The following PCDH9 variants were observed in gnomAD, a reference collection of about 807,000 sequenced individuals.
The protein encoded by PCDH9 is protocadherin-9.
In PCDH9, 24 loss-of-function variants were observed where a neutral mutation model predicts 70.6. The observed-to-expected ratio is 0.34, with a 90% CI of 0.25 to 0.48. PCDH9 has a LOEUF of 0.48. Ranked by LOEUF, PCDH9 falls within the 20% of genes least tolerant of loss-of-function variation. The probability of loss-of-function intolerance (pLI) is 0.99; values close to 1 mark genes in which losing one functional copy is unlikely to be tolerated. For synonymous variants in PCDH9, 562 were observed against 558.5 expected (o/e 1.01, Z -0.09); for missense variants, 1,281 against 1,503.6 (o/e 0.85, Z 2.45).
intron 4 of PCDH9, among the ~76,000 whole-genome samples, chr13:66,489,783 T>C (rs1326660179): frequency 1.3e-5 from 2 of 152,156 alleles, no homozygotes; most frequent in Non-Finnish European, 2.9e-5. Context: ...ATGACACACA[T>C]ACATTCTTAG....
In PCDH9 at chr13:66,992,304, G is replaced by A. The variant is rs369222432; in HGVS notation, c.3037-88699C>T. Among the ~76,000 whole-genome samples the A allele has an allele frequency of 3.9e-5, 6 of 152,210 alleles. No homozygotes were observed. The South Asian group carries it at 1.2e-3, about 32-fold the overall frequency. ...ATGCTAGTGGTGAGAGTGCAGTGGA[G>A]GAAAGGTACTGCCACTCTGTCAAGA... On this transcript the variant is annotated intron_variant, in intron 2 of 4. Transcript: ENST00000377865.
At chr13:66,886,655 A>G (rs2082009304) in intron 3 of PCDH9, among the ~76,000 whole-genome samples, 2 of 152,178 alleles carry the variant, frequency 1.3e-5, no homozygotes, top group South Asian at 4.1e-4. Context: ...TTGGAACAAT[A>G]ATATTCATCT....
At chr13:67,052,305 G>A (rs912312704) in intron 2 of PCDH9, among the ~76,000 whole-genome samples, 3 of 152,006 alleles carry the variant, frequency 2.0e-5, no homozygotes, top group Non-Finnish European at 4.4e-5. Flanking sequence ...CTTTAATAAG[G>A]GGTTAGGGAA....
chr13:66,983,086 A>C (rs1200386621), intron 2 of PCDH9, among the ~76,000 whole-genome samples: 1 of 152,148 alleles, frequency 6.6e-6, no homozygotes, highest in Non-Finnish European at 1.5e-5. Flanking sequence ...CATAGTTAGG[A>C]ATCAAATAGA....
chr13:66,338,528 TTTAA>T (rs1956074238), intron 4 of PCDH9, among the ~76,000 whole-genome samples: 1 of 152,098 alleles, frequency 6.6e-6, no homozygotes, highest in Non-Finnish European at 1.5e-5. Context: ...ACTTTATAAA[TTTAA>T]TTAACAGTAT....
At chr13:66,349,587 G>T (rs1038189815) in intron 4 of PCDH9, among the ~76,000 whole-genome samples, 1 of 152,172 alleles carries the variant, frequency 6.6e-6, no homozygotes, top group African/African-American at 2.4e-5. Context: ...GGGCTACCAA[G>T]TGCCAATATC....
chr13:66,367,982 G>T (rs1407962588), intron 4 of PCDH9, among the ~76,000 whole-genome samples: 1 of 152,004 alleles, frequency 6.6e-6, no homozygotes, highest in Non-Finnish European at 1.5e-5. Flanking sequence ...TCTTTAAAGT[G>T]CAATCAAAAG....
At chr13:66,607,228 C>T (rs1048745686) in intron 4 of PCDH9, among the ~76,000 whole-genome samples, 2 of 151,980 alleles carry the variant, frequency 1.3e-5, no homozygotes, top group Admixed American at 1.3e-4. Context: ...GACCTTGAAA[C>T]AATTATTCTC....
At chr13:66,674,334 T>C (rs1473367291) in intron 3 of PCDH9, among the ~76,000 whole-genome samples, 2 of 152,130 alleles carry the variant, frequency 1.3e-5, no homozygotes, top group African/African-American at 4.8e-5. Flanking sequence ...CATTCTGTTT[T>C]GACTCTTCAT....
intron 4 of PCDH9, among the ~76,000 whole-genome samples, chr13:66,566,746 T>TGTAAAA (rs375943722): frequency 0.34 from 51,982 of 151,942 alleles, 9,298 homozygotes; most frequent in African/African-American, 0.44. Flanking sequence ...GGGCCCGTCT[T>TGTAAAA]GATGGTCAAT....
chr13:66,387,109 C>G (rs781088231), intron 4 of PCDH9, among the ~76,000 whole-genome samples: 3 of 152,148 alleles, frequency 2.0e-5, no homozygotes, highest in Non-Finnish European at 4.4e-5. Flanking sequence ...GAACATATTT[C>G]TTTAAAAGCA....
At chr13:66,690,228 A>G (rs2078463049) in intron 3 of PCDH9, among the ~76,000 whole-genome samples, 1 of 151,988 alleles carries the variant, frequency 6.6e-6, no homozygotes, top group African/African-American at 2.4e-5. Flanking sequence ...TTTTTTTTGC[A>G]TTTAAATAGT....
chr13:66,869,903 G>A (rs1213547416), intron 3 of PCDH9, among the ~76,000 whole-genome samples: 1 of 152,134 alleles, frequency 6.6e-6, no homozygotes, highest in Non-Finnish European at 1.5e-5. Context: ...AGGTAAGAAT[G>A]AGTCCACAGA....
At chr13:67,057,478 T>C (rs906271800) in intron 2 of PCDH9, among the ~76,000 whole-genome samples, 2 of 152,018 alleles carry the variant, frequency 1.3e-5, no homozygotes. Context: ...TGGCAACTTT[T>C]TTCCTGGGGA....
intron 2 of PCDH9, among the ~76,000 whole-genome samples, chr13:66,970,895 T>C (rs1003173885): frequency 1.2e-4 from 18 of 152,020 alleles, no homozygotes; most frequent in African/African-American, 2.7e-4. Context: ...CGAATTCTTA[T>C]GTCTAGCCTA....
intron 4 of PCDH9, among the ~76,000 whole-genome samples, chr13:66,372,090 G>T (rs2138219101): frequency 6.6e-6 from 1 of 152,094 alleles, no homozygotes; most frequent in South Asian, 2.1e-4. Context: ...TATATGTACT[G>T]ATTGCTAATT....
rs539702713 is a variant in PCDH9, at chr13:66,982,839, T to A, written c.3037-79234A>T. ...AACAGAATAATTTTATAAATGTATTTTTCAAAATAATAATGTTGATTCTTG... is the reference window on the plus strand; with the variant it reads ...AACAGAATAATTTTATAAATGTATTATTCAAAATAATAATGTTGATTCTTG... On this transcript the variant is annotated intron_variant, in intron 2 of 4. Coordinates refer to ENST00000377865, the MANE Select transcript of PCDH9 (RefSeq NM_203487.3). Among the ~76,000 whole-genome samples the A allele has an allele frequency of 2.5e-3, 383 of 152,344 alleles. 2 individuals are homozygous for A. The highest frequency in any genetic ancestry group is 4.7e-3 in the Non-Finnish European group (317 of 68,018).
At chr13:66,846,884 TACAC>T (rs34392674) in intron 3 of PCDH9, among the ~76,000 whole-genome samples, 204 of 149,580 alleles carry the variant, frequency 1.4e-3, no homozygotes, top group African/African-American at 4.8e-3. Context: ...TTTCTCATAA[TACAC>T]ACACACACAC....
At chr13:66,346,137 A>G (rs2138157410) in intron 4 of PCDH9, among the ~76,000 whole-genome samples, 1 of 152,290 alleles carries the variant, frequency 6.6e-6, no homozygotes, top group African/African-American at 2.4e-5. Context: ...AGTTTGGCAC[A>G]TCTCTGTTTG....
Sources: allele counts gnomAD v4.1 joint callset (sites outside exome capture counted in the v4.1 genomes callset), GRCh38; gene constraint gnomAD v4.1.1; transcripts MANE v1.5; gene names NCBI Gene and HGNC (gene_info 2026-07-23, HGNC 2026-07-21).